Variants in SORT1 observed in about 807,000 individuals in gnomAD.
The protein encoded by SORT1 is sortilin 1, also known as sortilin.
A neutral mutation model predicts 101.7 loss-of-function variants in SORT1; 39 were observed. The observed-to-expected ratio is 0.38, with a 90% CI of 0.30 to 0.50. The LOEUF (loss-of-function observed/expected upper bound fraction) is 0.50, where lower values mean the gene tolerates loss of function less well. Ranked by LOEUF, SORT1 falls within the 20% of genes least tolerant of loss-of-function variation. SORT1 has a pLI of 0.90. For synonymous variants in SORT1, 396 were observed against 393.7 expected, an observed-to-expected ratio of 1.01 and a Z score of -0.07; for missense variants, 878 against 1,040.4, an observed-to-expected ratio of 0.84 and a Z score of 2.15.
At chr1:109,355,339 G>C (rs768808731) in intron 4 of SORT1, 28 bp downstream of exon 4, 1 of 1,125,666 alleles carries the variant, frequency 8.9e-7, no homozygotes, top group Non-Finnish European at 1.4e-6. Context: ...TCAAGCACAA[G>C]CTTTATGTAT....
chr1:109,379,620 G>A (rs1252838246), intron 1 of SORT1, among the ~76,000 whole-genome samples: 2 of 152,192 alleles, frequency 1.3e-5, no homozygotes. Context: ...TCCTACCCTA[G>A]GATAGGAAGC....
rs368346401 is a variant in SORT1, at chr1:109,354,443, T to G, written c.632A>C (p.Asp211Ala). ...CTGAGTGAGAGGATGAAAAGGGAGA[T>G]CTGTTTGCACAAAATTCTTCGCAAA... Reference protein sequence around the residue: ...SDFAKNFVQTDLPFHPLTQMM... With the variant: ...SDFAKNFVQTALPFHPLTQMM... The change falls in exon 5 of 20, where the codon GAT becomes GCT. Residue 211 changes from aspartate (D) to alanine (A), a missense_variant. By Grantham distance (126) the Asp-to-Ala change is moderately radical. Around this residue, in one of 2 missense-constraint regions of SORT1, gnomAD observed 684 missense variants for 894.5 expected, o/e 0.76. Coordinates refer to ENST00000256637, the MANE Select transcript of SORT1 (RefSeq NM_002959.7). The G allele has an allele frequency of 6.2e-7, 1 of 1,613,224 alleles. No homozygotes were observed. The highest frequency in any genetic ancestry group is 8.5e-7 in the Non-Finnish European group (1 of 1,179,222).
chr1:109,344,623 C>T (rs1315391829), intron 8 of SORT1, among the ~76,000 whole-genome samples: 2 of 152,240 alleles, frequency 1.3e-5, no homozygotes, highest in African/African-American at 4.8e-5. Context: ...AGAGCACTGA[C>T]TCCTGACACT....
At chr1:109,337,241 TTTTA>T (rs535757878) in intron 10 of SORT1, among the ~76,000 whole-genome samples, 1 of 152,078 alleles carries the variant, frequency 6.6e-6, no homozygotes, top group Non-Finnish European at 1.5e-5. Flanking sequence ...TTTCCTTTAT[TTTTA>T]TTTATTTATT....
At chr1:109,387,377 T>G (rs891822721) in intron 1 of SORT1, among the ~76,000 whole-genome samples, 1 of 149,822 alleles carries the variant, frequency 6.7e-6, no homozygotes, top group African/African-American at 2.5e-5. Context: ...CCTGTAGTCC[T>G]AGCTACTGCA....
chr1:109,351,186 T>G (rs559476217), intron 5 of SORT1, among the ~76,000 whole-genome samples, 184 bp from the exon 6 acceptor site: 1 of 152,254 alleles, frequency 6.6e-6, no homozygotes, highest in South Asian at 2.1e-4. Flanking sequence ...GTCTTGGAAG[T>G]TCAGAATAAC....
At chr1:109,388,229 C>A (rs1307921793) in intron 1 of SORT1, among the ~76,000 whole-genome samples, 1 of 151,820 alleles carries the variant, frequency 6.6e-6, no homozygotes, top group Non-Finnish European at 1.5e-5. Flanking sequence ...CACTACCTAC[C>A]CCTAATAAAT....
At chr1:109,395,279 G>A (rs891155267) in intron 1 of SORT1, among the ~76,000 whole-genome samples, 3 of 136,426 alleles carry the variant, frequency 2.2e-5, no homozygotes, top group Non-Finnish European at 4.6e-5. Context: ...GGAGTACAAC[G>A]GTGCGATCTC....
At chr1:109,346,102 G>T (rs1649569506) in intron 7 of SORT1, among the ~76,000 whole-genome samples, 2 of 151,950 alleles carry the variant, frequency 1.3e-5, no homozygotes, top group Middle Eastern at 3.2e-3. Flanking sequence ...ACGAGGTCAG[G>T]AGATAGAGAC....
At chr1:109,344,567 G>C (rs1207688076) in intron 8 of SORT1, among the ~76,000 whole-genome samples, 2 of 152,166 alleles carry the variant, frequency 1.3e-5, no homozygotes, top group African/African-American at 4.8e-5. Flanking sequence ...TCAAGTTCTT[G>C]TTTCACTTAG....
chr1:109,342,303 T>C, intron 8 of SORT1, 145 bp from the exon 9 acceptor site: 1 of 654,812 alleles, frequency 1.5e-6, no homozygotes, highest in East Asian at 2.8e-5. Flanking sequence ...TAGTACCAAT[T>C]ACCAAAGCAA....
At chr1:109,327,383 A>C in intron 12 of SORT1, 116 bp downstream of exon 12, 1 of 738,650 alleles carries the variant, frequency 1.4e-6, no homozygotes, top group South Asian at 2.0e-5. Context: ...AATTCTACCA[A>C]AGGAATGTAA....
intron 1 of SORT1, chr1:109,393,154 G>A (rs1437197649): frequency 1.1e-5 from 11 of 985,264 alleles, no homozygotes; most frequent in Non-Finnish European, 9.6e-6. Context: ...CCCTGCCAGA[G>A]CCAGCAAACA....
chr1:109,387,200 A>G (rs1439103266), intron 1 of SORT1, among the ~76,000 whole-genome samples: 1 of 152,224 alleles, frequency 6.6e-6, no homozygotes, highest in African/African-American at 2.4e-5. Context: ...CTGAGGCAGG[A>G]GGATCACTTG....
At chr1:109,327,454 T>C (rs746451351) in intron 12 of SORT1, 45 bp downstream of exon 12, 55 of 1,228,290 alleles carry the variant, frequency 4.5e-5, no homozygotes, top group Non-Finnish European at 6.5e-5. Context: ...TTCAGTGTGC[T>C]CAGCCACTGT....
Position 109,314,011 on chromosome 1 carries a change from C to T in SORT1, c.*32G>A, listed in dbSNP as rs1365825160. The T allele has an allele frequency of 1.2e-6, 2 of 1,610,652 alleles. No individual in the cohort carries two copies. The highest frequency in any genetic ancestry group is 3.3e-5 in the Admixed American group (2 of 59,976). On this transcript the variant is annotated 3_prime_UTR_variant, in exon 20 of 20. Coordinates refer to ENST00000256637, the MANE Select transcript of SORT1 (RefSeq NM_002959.7). ...GAGTGTAAGAGGTACTGTGGTTCCA[C>T]CATCCATGCTGGGTCCAGCTCCTCT... is the stretch of plus-strand genomic sequence containing the variant.
intron 1 of SORT1, among the ~76,000 whole-genome samples, chr1:109,386,722 A>G (rs775204400): frequency 8.5e-5 from 13 of 152,228 alleles, no homozygotes; most frequent in Non-Finnish European, 1.2e-4. Context: ...TAAAAAAGCA[A>G]TATGCACATA....
In SORT1 at chr1:109,367,504, C is replaced by T. The variant is rs72646556; in HGVS notation, c.367-23G>A. 1.6e-3 allele frequency: 2,393 copies of T among 1,452,778 alleles called. 19 individuals carry two copies. The African/African-American group carries it at 0.019, about 12-fold the overall frequency. 90.0% of individuals were successfully genotyped at this position (1,452,778 alleles called of 1,614,324 possible). ...GACCTGGAGAGAGAAAAAAGCATTC[C>T]GTAAATAAAAAAGATATTCCAATCA... On this transcript the variant is annotated intron_variant, in intron 2 of 19. Coordinates refer to ENST00000256637, the MANE Select transcript of SORT1 (RefSeq NM_002959.7).
intron 10 of SORT1, among the ~76,000 whole-genome samples, chr1:109,338,219 C>T (rs986794432): frequency 6.6e-6 from 1 of 152,082 alleles, no homozygotes; most frequent in African/African-American, 2.4e-5. Context: ...TCTGGAGAAA[C>T]AGAGGGAACT....
Sources: allele counts gnomAD v4.1 joint callset (sites outside exome capture counted in the v4.1 genomes callset), GRCh38; gene constraint gnomAD v4.1.1; regional missense constraint gnomAD v4.1.1; transcripts MANE v1.5; gene names NCBI Gene and HGNC (gene_info 2026-07-23, HGNC 2026-07-21).